MAOB: variants seen among roughly 807,000 people sequenced by gnomAD.
MAOB encodes the protein amine oxidase [flavin-containing] B.
A neutral mutation model predicts 41.9 loss-of-function variants in MAOB; 15 were observed. The ratio of observed to expected loss-of-function variants is 0.36; its 90% confidence interval spans 0.24 to 0.55. MAOB has a LOEUF of 0.55. Among genes scored for constraint, MAOB ranks in the 20% least tolerant of loss-of-function variants. The pLI, the probability that MAOB is intolerant of heterozygous loss-of-function variation, is 0.86. For missense variants in MAOB, 345 were observed against 398.7 expected (o/e 0.87, Z 1.15); for synonymous variants, 167 against 144.2 (o/e 1.16, Z -1.13).
At chrX:43,846,904 T>A (rs1039389091) in intron 1 of MAOB, among the ~76,000 whole-genome samples, 1 of 112,038 alleles carries the variant, frequency 8.9e-6, no homozygotes, top group African/African-American at 3.2e-5. Context: ...AGTATGAAAA[T>A]TTTTGAGTGC....
rs1174310177 is a variant in MAOB at position 43,801,244 on chromosome X, T to A, written c.476+928A>T. Among the ~76,000 whole-genome samples, 25 of 110,743 alleles carry A rather than the reference T, an allele frequency of 2.3e-4. No individual in the cohort carries two copies. The Admixed American group carries it at 2.4e-3, about 11-fold the overall frequency. ...CTCTCTCTTCTTTTGCCTCACTTTC[T>A]TAAAGCTAAATTATTAGAAGCTGAA... On this transcript the variant is annotated intron_variant, in intron 5 of 14. Transcript: ENST00000378069.
At chrX:43,838,767 T>C in intron 3 of MAOB, 101 bp downstream of exon 3, 1 of 820,285 alleles carries the variant, frequency 1.2e-6, no homozygotes, top group Non-Finnish European at 1.7e-6. Flanking sequence ...ATTTGCATCA[T>C]CCAGAGATAT....
intron 12 of MAOB, among the ~76,000 whole-genome samples, chrX:43,772,663 T>C (rs2034199624): frequency 8.9e-6 from 1 of 112,104 alleles, no homozygotes; most frequent in Non-Finnish European, 1.9e-5. Flanking sequence ...CCATCTGATA[T>C]AATATTTTGA....
chrX:43,867,229 G>A (rs1294742922), intron 1 of MAOB, among the ~76,000 whole-genome samples: 1 of 111,938 alleles, frequency 8.9e-6, no homozygotes, highest in Admixed American at 9.5e-5. Context: ...TCCTGAAACC[G>A]GAAACATTGG....
chrX:43,872,433 C>T (rs925958183), intron 1 of MAOB, among the ~76,000 whole-genome samples: 1 of 111,415 alleles, frequency 9.0e-6, no homozygotes, highest in South Asian at 3.8e-4. Flanking sequence ...GCTAAGAAGT[C>T]CATTATTACA....
chrX:43,806,196 A>G (rs2034659874), intron 3 of MAOB, among the ~76,000 whole-genome samples: 1 of 111,656 alleles, frequency 9.0e-6, no homozygotes, highest in African/African-American at 3.3e-5. Context: ...TTCAGATTTT[A>G]TTTGGATTTC....
chrX:43,805,648 A>G (rs1017820759), intron 3 of MAOB, among the ~76,000 whole-genome samples: 6 of 112,084 alleles, frequency 5.4e-5, no homozygotes, highest in African/African-American at 1.3e-4. Flanking sequence ...AGTAGTGTCC[A>G]TTGTATGGAT....
chrX:43,785,146 TCAAAA>T (rs903245052), intron 8 of MAOB, among the ~76,000 whole-genome samples: 2 of 112,969 alleles, frequency 1.8e-5, no homozygotes, highest in Non-Finnish European at 3.7e-5. Context: ...AGACTCCATC[TCAAAA>T]CAAAACAAAA....
chrX:43,797,249 G>T lies in MAOB; in HGVS notation c.494C>A (p.Ala165Asp). ...LCWTESAKQL[A>D]TLFVNLCVTA... is the part of the protein sequence containing the mutation. ...GACACACAGGTTCACAAAGAGAGTGGCAAGCTGCTTTGCAGATCTGCACAG... is the reference window on the plus strand; with the variant it reads ...GACACACAGGTTCACAAAGAGAGTGTCAAGCTGCTTTGCAGATCTGCACAG... The change falls in exon 6 of 15, where the codon GCC becomes GAC. Residue 165 changes from alanine to aspartate, a missense_variant. By Grantham distance (126) the Ala-to-Asp change is moderately radical. Coordinates refer to ENST00000378069, the MANE Select transcript of MAOB (RefSeq NM_000898.5). 8.4e-7 allele frequency: 1 copy of T among 1,197,202 alleles called. No homozygotes were observed. The highest frequency in any genetic ancestry group is 1.1e-6 in the Non-Finnish European group (1 of 888,335).
At chrX:43,774,793 T>C (rs998964475) in intron 12 of MAOB, among the ~76,000 whole-genome samples, 4 of 111,963 alleles carry the variant, frequency 3.6e-5, no homozygotes, top group African/African-American at 1.3e-4. Flanking sequence ...TGCTACTCTT[T>C]TTTGATTTTT....
intron 1 of MAOB, 30 bp downstream of exon 1, chrX:43,882,224 G>C (rs1400231235): frequency 8.3e-7 from 1 of 1,207,557 alleles, no homozygotes; most frequent in Admixed American, 2.2e-5. Context: ...AGCGCGTGAA[G>C]AGGAAGGAGG....
chrX:43,787,126 G>C (rs1046120521), intron 8 of MAOB, among the ~76,000 whole-genome samples: 1 of 109,380 alleles, frequency 9.1e-6, no homozygotes, highest in African/African-American at 3.3e-5. Flanking sequence ...GTAGGGGGAG[G>C]GACCCAATAA....
At chrX:43,879,946 T>G (rs777569432) in intron 1 of MAOB, among the ~76,000 whole-genome samples, 1 of 112,420 alleles carries the variant, frequency 8.9e-6, no homozygotes, top group Non-Finnish European at 1.9e-5. Flanking sequence ...CCCTGGTGAA[T>G]TCATATTCAT....
chrX:43,835,871 C>T (rs1348471212), intron 3 of MAOB, among the ~76,000 whole-genome samples: 2 of 111,641 alleles, frequency 1.8e-5, no homozygotes, highest in Non-Finnish European at 3.8e-5. Context: ...CCAGTATATC[C>T]AAGTTCCTTA....
At chrX:43,815,277 G>A (rs962051457) in intron 3 of MAOB, among the ~76,000 whole-genome samples, 1 of 111,885 alleles carries the variant, frequency 8.9e-6, no homozygotes, top group Non-Finnish European at 1.9e-5. Flanking sequence ...TGATCAAATA[G>A]CACAGGCATC....
chrX:43,845,291 T>C (rs1046345317), intron 1 of MAOB, among the ~76,000 whole-genome samples: 11 of 111,958 alleles, frequency 9.8e-5, no homozygotes, highest in African/African-American at 1.6e-4. Flanking sequence ...CATGCCAAGA[T>C]GCTCTCATGC....
intron 8 of MAOB, among the ~76,000 whole-genome samples, chrX:43,783,792 TA>T (rs1285057942): frequency 8.9e-6 from 1 of 111,958 alleles, no homozygotes; most frequent in African/African-American, 3.2e-5. Context: ...CTCCTTTTTT[TA>T]TGAAAAATTT....
intron 1 of MAOB, among the ~76,000 whole-genome samples, chrX:43,863,448 C>A (rs974504984): frequency 9.0e-6 from 1 of 111,296 alleles, no homozygotes; most frequent in Non-Finnish European, 1.9e-5. Flanking sequence ...TACACGTGTG[C>A]GCACACACAC....
chrX:43,801,590 C>A (rs757458843), intron 5 of MAOB, among the ~76,000 whole-genome samples: 5 of 112,255 alleles, frequency 4.5e-5, no homozygotes, highest in Non-Finnish European at 7.5e-5. Flanking sequence ...TCTATACAAG[C>A]CTTCACAATT....
Sources: gnomAD v4.1 joint callset for allele counts (sites outside exome capture counted in the v4.1 genomes callset) on GRCh38, gnomAD v4.1.1 for gene constraint, MANE v1.5 for transcripts, NCBI Gene and HGNC (gene_info 2026-07-23, HGNC 2026-07-21) for gene names.